The following ETFDH variants were observed in gnomAD, a reference collection of about 807,000 sequenced individuals.
The protein encoded by ETFDH is electron transfer flavoprotein dehydrogenase.
Under a neutral mutation model 73.2 loss-of-function variants are expected in ETFDH, and 61 were observed. That is an observed-to-expected ratio of 0.83 (90% CI 0.68 to 1.03). The LOEUF is 1.03. Ranked by LOEUF, ETFDH falls within the 50% of genes least tolerant of loss-of-function variation. ETFDH has a pLI of 0.00. For missense variants in ETFDH, 685 were observed against 745.0 expected, an observed-to-expected ratio of 0.92 and a Z score of 0.94; for synonymous variants, 243 against 253.3, an observed-to-expected ratio of 0.96 and a Z score of 0.39.
intron 9 of ETFDH, among the ~76,000 whole-genome samples, chr4:158,702,851 G>A (rs1774500797): frequency 6.6e-6 from 1 of 152,146 alleles, no homozygotes; most frequent in Admixed American, 6.5e-5. Context: ...GGATGGCTGG[G>A]TCATATGGGT....
chr4:158,686,874 C>G (rs1027687283), intron 5 of ETFDH, among the ~76,000 whole-genome samples: 1 of 152,122 alleles, frequency 6.6e-6, no homozygotes, highest in Non-Finnish European at 1.5e-5. Flanking sequence ...AATTGGCTCA[C>G]AAGAGGCAGG....
chr4:158,686,687 T>C (rs1267719243), intron 5 of ETFDH, among the ~76,000 whole-genome samples: 1 of 152,200 alleles, frequency 6.6e-6, no homozygotes, highest in Non-Finnish European at 1.5e-5. Context: ...TGACTCAACC[T>C]TGAGGAAGAG....
chr4:158,698,987 G>C lies in ETFDH; in HGVS notation c.973G>C (p.Val325Leu). The C allele has an allele frequency of 6.3e-7, 1 of 1,589,096 alleles. No homozygotes were observed. Among genetic ancestry groups the C allele is most frequent in the Non-Finnish European group, 8.6e-7 (1 of 1,158,650 alleles). ...GEPLVALGLV[V>L]GLDYQNPYLS... ...TTAAATATAAGTGTAAATTTTTAAG[G>C]TTGGTCTAGACTATCAGAATCCATA... The change falls in exon 9 of 13, where the codon GTT (valine) becomes CTT (leucine). Residue 325 changes from valine (V) to leucine (L), a missense_variant and splice_region_variant. By Grantham distance (32) the Val-to-Leu change is conservative. Transcript: ENST00000511912.
chr4:158,692,886 AAAAC>A (rs1375556725), intron 6 of ETFDH, among the ~76,000 whole-genome samples: 38 of 88,124 alleles, frequency 4.3e-4, no homozygotes, highest in South Asian at 1.1e-3. Flanking sequence ...TAAAAAAAAA[AAAAC>A]ATATATATAT....
intron 9 of ETFDH, among the ~76,000 whole-genome samples, chr4:158,702,278 A>G (rs1440632025): frequency 2.6e-5 from 4 of 152,100 alleles, no homozygotes; most frequent in Non-Finnish European, 5.9e-5. Context: ...GGTAATTAGT[A>G]TACCCATCAC....
intron 5 of ETFDH, among the ~76,000 whole-genome samples, chr4:158,689,298 G>A (rs1774093913): frequency 6.6e-6 from 1 of 151,888 alleles, no homozygotes; most frequent in African/African-American, 2.4e-5. Flanking sequence ...GGGGTTTTTG[G>A]ACCCAAGTGT....
In ETFDH at chr4:158,706,663, T is replaced by C. The variant is rs752947878; in HGVS notation, c.1503T>C (p.Asp501=). The change falls in exon 12 of 13, where the codon GAT becomes GAC. Residue 501 remains aspartate, a synonymous_variant. Transcript: ENST00000511912. ...SDFERLKPAK[D]CTPIEYPKPD... is the part of the protein sequence containing the mutation. The stretch of plus-strand genomic sequence containing the variant: ...TTGAACGGCTCAAGCCAGCCAAGGA[T>C]TGCACACCTATTGAGTATCCAAAAC... 7 of 1,614,172 alleles carry C rather than the reference T, an allele frequency of 4.3e-6. No homozygotes were observed. Among genetic ancestry groups the C allele is most frequent in the African/African-American group, 1.3e-5 (1 of 75,036 alleles).
intron 1 of ETFDH, among the ~76,000 whole-genome samples, chr4:158,676,725 T>C (rs943582202): frequency 2.6e-5 from 4 of 152,228 alleles, no homozygotes; most frequent in African/African-American, 9.7e-5. Context: ...GTTTTATTAT[T>C]GCTTGACTTC....
intron 9 of ETFDH, among the ~76,000 whole-genome samples, chr4:158,703,023 G>A (rs905584429): frequency 3.9e-5 from 6 of 152,186 alleles, no homozygotes; most frequent in Admixed American, 1.3e-4. Context: ...GGGTGAAATG[G>A]TATCTCATTG....
intron 10 of ETFDH, among the ~76,000 whole-genome samples, chr4:158,705,400 T>A (rs1431015880): frequency 6.6e-6 from 1 of 152,200 alleles, no homozygotes; most frequent in Non-Finnish European, 1.5e-5. Flanking sequence ...CATATTGGAT[T>A]AGAGACCCAC....
chr4:158,709,019 TTGTG>T lies in ETFDH; in HGVS notation c.*528_*531del, dbSNP rs55861035. 6.4e-4 allele frequency: 97 copies of T among 150,664 alleles called. No homozygotes were observed. The highest frequency in any genetic ancestry group is 1.8e-3 in the African/African-American group (70 of 37,882). The allele number at this position is 150,664 out of a possible 1,614,324, so 9.3% of individuals were successfully genotyped here. On this transcript the variant is annotated 3_prime_UTR_variant, in exon 13 of 13. Coordinates refer to ENST00000511912, the MANE Select transcript of ETFDH (RefSeq NM_004453.4). ...GAAGTATGCCCATCCCTGAACAAGT[TTGTG>T]TGTGTGTGTGTGTGTGTGTGTGTGT...
chr4:158,678,570 A>G (rs1461461795), intron 1 of ETFDH, among the ~76,000 whole-genome samples: 1 of 151,880 alleles, frequency 6.6e-6, no homozygotes, highest in East Asian at 1.9e-4. Context: ...TCCATTCTCT[A>G]CTTGTTAGAA....
intron 5 of ETFDH, among the ~76,000 whole-genome samples, chr4:158,689,636 A>ATATT (rs765147554): frequency 0.082 from 5,189 of 63,528 alleles, 1,358 homozygotes; most frequent in East Asian, 0.16. Context: ...ATATATATAT[A>ATATT]TTGTGGGGGG....
chr4:158,706,352 G>A lies in ETFDH; in HGVS notation c.1449G>A (p.Pro483=), dbSNP rs143873407. The change falls in exon 11 of 13, where the codon CCG becomes CCA. Residue 483 remains proline, a synonymous_variant. Transcript: ENST00000511912. ...IFYWILRGME[P]WTLKHKGSDF... is the part of the protein sequence containing the mutation. ...ACTGGATATTGAGAGGAATGGAGCCGTGGACTCTGAAACATAAAGGTAATT... is the reference window on the plus strand; with the variant it reads ...ACTGGATATTGAGAGGAATGGAGCCATGGACTCTGAAACATAAAGGTAATT... 2.2e-5 allele frequency: 35 copies of A among 1,612,712 alleles called. 1 individual carries two copies. The East Asian group carries it at 6.0e-4, about 28-fold the overall frequency.
intron 9 of ETFDH, among the ~76,000 whole-genome samples, chr4:158,700,413 C>A (rs1430995602): frequency 6.6e-6 from 1 of 152,020 alleles, no homozygotes; most frequent in Non-Finnish European, 1.5e-5. Flanking sequence ...GTCAATCTAA[C>A]CCTACTCTAA....
rs1561244356 is a variant in ETFDH at position 158,692,887 on chromosome 4, A to AT, written c.684+2462_684+2463insT. Among the ~76,000 whole-genome samples the AT allele has an allele frequency of 2.8e-3, 251 of 89,394 alleles. 1 individual carries two copies. The highest frequency in any genetic ancestry group is 8.4e-3 in the African/African-American group (241 of 28,808). 58.6% of individuals were successfully genotyped at this position (89,394 alleles called of 152,430 possible). ...AAAAAAAAAAAGATTAAAAAAAAAA[A>AT]AACATATATATATATATATATGGTT... On this transcript the variant is annotated intron_variant, in intron 6 of 12. Coordinates refer to ENST00000511912, the MANE Select transcript of ETFDH (RefSeq NM_004453.4).
chr4:158,675,281 G>A (rs1411106759), intron 1 of ETFDH, among the ~76,000 whole-genome samples: 2 of 152,120 alleles, frequency 1.3e-5, no homozygotes, highest in East Asian at 3.8e-4. Context: ...CCTGTACATG[G>A]AAGCATATAC....
intron 2 of ETFDH, among the ~76,000 whole-genome samples, chr4:158,681,294 A>C (rs1773853071): frequency 1.3e-5 from 2 of 152,186 alleles, no homozygotes; most frequent in South Asian, 4.1e-4. Context: ...AAAGGAAAAA[A>C]AATTTTAAAA....
chr4:158,702,153 A>C (rs547049217), intron 9 of ETFDH, among the ~76,000 whole-genome samples: 1 of 143,880 alleles, frequency 7.0e-6, no homozygotes, highest in South Asian at 2.2e-4. Context: ...AGCAAATCAC[A>C]GGTTTTTTTT....
Sources: allele counts gnomAD v4.1 joint callset (sites outside exome capture counted in the v4.1 genomes callset), GRCh38; gene constraint gnomAD v4.1.1; transcripts MANE v1.5; gene names NCBI Gene and HGNC (gene_info 2026-07-23, HGNC 2026-07-21).